TNFRSF10A: variants seen among roughly 807,000 people sequenced by gnomAD.
TNFRSF10A encodes the protein TNF receptor superfamily member 10a.
Under a neutral mutation model 42.8 loss-of-function variants are expected in TNFRSF10A, and 44 were observed. That is an observed-to-expected ratio of 1.03 (90% CI 0.81 to 1.32). TNFRSF10A has a LOEUF of 1.32. Ranked by LOEUF, TNFRSF10A falls within the 40% of genes most tolerant of loss-of-function variation. The pLI, the probability that TNFRSF10A is intolerant of heterozygous loss-of-function variation, is 0.00. For synonymous variants in TNFRSF10A, 259 were observed against 234.2 expected, an observed-to-expected ratio of 1.11 and a Z score of -0.97; for missense variants, 680 against 602.0, an observed-to-expected ratio of 1.13 and a Z score of -1.36.
chr8:23,216,210 T>G (rs1563385683), intron 1 of TNFRSF10A, among the ~76,000 whole-genome samples: 1 of 152,190 alleles, frequency 6.6e-6, no homozygotes, highest in Non-Finnish European at 1.5e-5. Context: ...ATTTCATTGA[T>G]TTCAGTCTTA....
intron 2 of TNFRSF10A, among the ~76,000 whole-genome samples, 163 bp from the exon 3 acceptor site, chr8:23,202,924 C>G (rs566743531): frequency 2.0e-5 from 3 of 152,302 alleles, no homozygotes; most frequent in African/African-American, 4.8e-5. Flanking sequence ...ATACACACCT[C>G]TGACTGGCGC....
At chr8:23,194,476 G>C (rs1226080607) in intron 9 of TNFRSF10A, among the ~76,000 whole-genome samples, 3 of 152,156 alleles carry the variant, frequency 2.0e-5, no homozygotes, top group Non-Finnish European at 4.4e-5. Context: ...ATATCAGTTT[G>C]GCACAAAAAC....
chr8:23,215,526 A>C (rs941182590), intron 1 of TNFRSF10A, among the ~76,000 whole-genome samples: 2 of 148,752 alleles, frequency 1.3e-5, no homozygotes, highest in African/African-American at 5.2e-5. Context: ...GCATAACTAA[A>C]TAAATAAATA....
chr8:23,204,080 G>T (rs1173102508), intron 2 of TNFRSF10A, among the ~76,000 whole-genome samples: 3 of 151,788 alleles, frequency 2.0e-5, no homozygotes, highest in Non-Finnish European at 4.4e-5. Flanking sequence ...CCACTGTGAA[G>T]GAAAAACTTC....
intron 2 of TNFRSF10A, chr8:23,207,441 G>T: frequency 2.1e-6 from 1 of 471,152 alleles, no homozygotes; most frequent in Non-Finnish European, 4.1e-6. Flanking sequence ...AGGCCCAGAT[G>T]CCTTTACCAC....
chr8:23,191,715 G>C lies in TNFRSF10A; in HGVS notation c.1386C>G (p.Gly462=), dbSNP rs750702316. 1.2e-6 allele frequency: 2 copies of C among 1,613,982 alleles called. No individual in the cohort carries two copies. The highest frequency in any genetic ancestry group is 1.7e-6 in the Non-Finnish European group (2 of 1,179,976). ...TCTTTCACTCCAAGGACACGGCAGAGCCTGTGCCATCTTCTAAGTAGATGA... is the reference window on the plus strand; with the variant it reads ...TCTTTCACTCCAAGGACACGGCAGACCCTGTGCCATCTTCTAAGTAGATGA... ...GKFIYLEDGT[G]SAVSLE The change falls in exon 10 of 10, where the codon GGC becomes GGG. Residue 462 remains glycine (G), a synonymous_variant. Transcript: ENST00000221132.
At chr8:23,214,578 T>C (rs1050020823) in intron 1 of TNFRSF10A, among the ~76,000 whole-genome samples, 1 of 152,220 alleles carries the variant, frequency 6.6e-6, no homozygotes, top group Non-Finnish European at 1.5e-5. Context: ...AATTTCCTTT[T>C]ATTGTGATTG....
chr8:23,212,117 T>C lies in TNFRSF10A; in HGVS notation c.402A>G (p.Pro134=), dbSNP rs760027070. ...TTAGAGATCAGTCTTAGAATGTACC[T>C]GGTGGACACAACTCTCCCAAAGGGC... ...EHSPLGELCP[P]GSHRSEHPGA... Residue 134 remains proline, a splice_region_variant and synonymous_variant, in exon 2 of 10, where the codon CCA becomes CCG. Coordinates refer to ENST00000221132, the MANE Select transcript of TNFRSF10A (RefSeq NM_003844.4). 11 of 1,612,784 alleles carry C rather than the reference T, an allele frequency of 6.8e-6. No homozygotes were observed. In the South Asian group the frequency reaches 8.8e-5, roughly 13 times the overall value.
intron 2 of TNFRSF10A, among the ~76,000 whole-genome samples, chr8:23,203,005 A>T (rs1800956796): frequency 6.6e-6 from 1 of 152,190 alleles, no homozygotes; most frequent in Non-Finnish European, 1.5e-5. Context: ...AAATAGTAAA[A>T]AGAGAATGAG....
At chr8:23,200,432 C>T (rs539622352) in intron 6 of TNFRSF10A, 73 bp downstream of exon 6, 16 of 1,538,640 alleles carry the variant, frequency 1.0e-5, no homozygotes, top group Non-Finnish European at 1.3e-5. Flanking sequence ...CAGGGGTGAG[C>T]GTTTCTGTCT....
At chr8:23,192,913 C>T (rs145735227) in intron 9 of TNFRSF10A, among the ~76,000 whole-genome samples, 38 of 152,318 alleles carry the variant, frequency 2.5e-4, no homozygotes, top group Middle Eastern at 3.4e-3. Flanking sequence ...TAGCAAAGAA[C>T]TGAAACTCAC....
intron 1 of TNFRSF10A, among the ~76,000 whole-genome samples, chr8:23,220,859 G>C (rs1410534501): frequency 6.6e-6 from 1 of 152,210 alleles, no homozygotes; most frequent in Non-Finnish European, 1.5e-5. Flanking sequence ...AGTAGGGGCT[G>C]GGTGAGCAGC....
At chr8:23,195,374 A>G (rs1800808330) in intron 9 of TNFRSF10A, among the ~76,000 whole-genome samples, 1 of 152,148 alleles carries the variant, frequency 6.6e-6, no homozygotes, top group Admixed American at 6.5e-5. Context: ...CTTTAAGTAT[A>G]CTTTAAGTAT....
intron 1 of TNFRSF10A, chr8:23,224,517 G>A: frequency 1.8e-6 from 1 of 551,838 alleles, no homozygotes; most frequent in Non-Finnish European, 3.2e-6. Context: ...CCAACGGGGT[G>A]GAGTCCCCGG....
At chr8:23,194,256 G>C (rs1308531000) in intron 9 of TNFRSF10A, among the ~76,000 whole-genome samples, 1 of 152,168 alleles carries the variant, frequency 6.6e-6, no homozygotes, top group Non-Finnish European at 1.5e-5. Context: ...GTTACATGTT[G>C]TGTCTACCAA....
In TNFRSF10A at chr8:23,200,778, G is replaced by C. The variant is rs372972221; in HGVS notation, c.630-18C>G. On this transcript the variant is annotated intron_variant, in intron 4 of 9. Coordinates refer to ENST00000221132, the MANE Select transcript of TNFRSF10A (RefSeq NM_003844.4). Reference sequence around the variant, plus strand: ...TGGGGCACCTGGGTACACACAGGGAGGGAGGGGGGGGACTCTTGATGGAAA... The same window carrying C: ...TGGGGCACCTGGGTACACACAGGGACGGAGGGGGGGGACTCTTGATGGAAA... The C allele has an allele frequency of 8.6e-6, 13 of 1,519,022 alleles. No individual in the cohort carries two copies. Among genetic ancestry groups the C allele is most frequent in the Non-Finnish European group, 1.1e-5 (12 of 1,095,034 alleles). 94.1% of individuals were successfully genotyped at this position (1,519,022 alleles called of 1,614,324 possible).
At chr8:23,205,425 A>G (rs770743584) in intron 2 of TNFRSF10A, among the ~76,000 whole-genome samples, 3 of 152,218 alleles carry the variant, frequency 2.0e-5, no homozygotes, top group Admixed American at 6.5e-5. Context: ...AGTTCTATAT[A>G]TAATATTTGA....
chr8:23,205,587 T>C (rs1800993279), intron 2 of TNFRSF10A, among the ~76,000 whole-genome samples: 1 of 152,134 alleles, frequency 6.6e-6, no homozygotes, highest in Non-Finnish European at 1.5e-5. Context: ...TCAGAGGACA[T>C]AGGAGTTGAC....
intron 1 of TNFRSF10A, among the ~76,000 whole-genome samples, chr8:23,222,946 A>G (rs1056447782): frequency 6.6e-6 from 1 of 151,646 alleles, no homozygotes; most frequent in Non-Finnish European, 1.5e-5. Context: ...CTTCACCACC[A>G]GTGGAAGTTT....
Sources: allele counts gnomAD v4.1 joint callset (sites outside exome capture counted in the v4.1 genomes callset), GRCh38; gene constraint gnomAD v4.1.1; transcripts MANE v1.5; gene names NCBI Gene and HGNC (gene_info 2026-07-23, HGNC 2026-07-21).